Variants in PDE11A observed in about 807,000 individuals in gnomAD.
PDE11A encodes the protein phosphodiesterase 11A, also known as dual 3',5'-cyclic-AMP and -GMP phosphodiesterase 11A.
PDE11A carries 100 observed loss-of-function variants against 100.5 expected under a neutral mutation model. The observed-to-expected ratio is 1.00, with a 90% CI of 0.85 to 1.18. The LOEUF (loss-of-function observed/expected upper bound fraction) is 1.18, where lower values mean the gene tolerates loss of function less well. Among genes scored for constraint, PDE11A ranks in the 50% most tolerant of loss-of-function variants. The pLI is 0.00. For synonymous variants in PDE11A, 381 were observed against 420.8 expected (o/e 0.91, Z 1.16); for missense variants, 1,141 against 1,152.6 (o/e 0.99, Z 0.15).
intron 13 of PDE11A, among the ~76,000 whole-genome samples, chr2:177,703,498 A>G (rs1210703784): frequency 6.6e-6 from 1 of 152,220 alleles, no homozygotes; most frequent in East Asian, 1.9e-4. Flanking sequence ...GCTGATTGTT[A>G]TCAATGAAAG....
chr2:177,924,052 G>C (rs1000902381), intron 2 of PDE11A, among the ~76,000 whole-genome samples: 1 of 152,190 alleles, frequency 6.6e-6, no homozygotes, highest in Non-Finnish European at 1.5e-5. Flanking sequence ...ACTCTAAAGT[G>C]TAATTTATTA....
chr2:178,011,502 TA>T (rs1331847808), intron 2 of PDE11A, among the ~76,000 whole-genome samples: 4 of 152,152 alleles, frequency 2.6e-5, no homozygotes, highest in Admixed American at 6.6e-5. Flanking sequence ...GGGCGAGGTA[TA>T]GGGGAAGAGG....
intron 2 of PDE11A, among the ~76,000 whole-genome samples, chr2:177,933,730 T>C (rs776681533): frequency 2.0e-5 from 3 of 152,042 alleles, no homozygotes; most frequent in Non-Finnish European, 2.9e-5. Flanking sequence ...CTTCACACTA[T>C]CAGACTATAC....
intron 5 of PDE11A, among the ~76,000 whole-genome samples, chr2:177,850,479 G>T (rs1173805483): frequency 6.6e-6 from 1 of 152,150 alleles, no homozygotes; most frequent in Non-Finnish European, 1.5e-5. Flanking sequence ...GCATGGGCAA[G>T]GACTTCATGT....
intron 13 of PDE11A, among the ~76,000 whole-genome samples, chr2:177,709,929 G>T (rs1256371600): frequency 6.6e-6 from 1 of 152,182 alleles, no homozygotes; most frequent in African/African-American, 2.4e-5. Flanking sequence ...GGAGGACAGG[G>T]GTTGGGAGAA....
chr2:177,681,276 A>G (rs2080859079), intron 15 of PDE11A, among the ~76,000 whole-genome samples: 1 of 152,236 alleles, frequency 6.6e-6, no homozygotes, highest in South Asian at 2.1e-4. Flanking sequence ...ATGTTCTTTT[A>G]TCATCCAACA....
At chr2:177,845,278 G>C (rs1353779819) in intron 5 of PDE11A, among the ~76,000 whole-genome samples, 1 of 151,224 alleles carries the variant, frequency 6.6e-6, no homozygotes, top group Non-Finnish European at 1.5e-5. Context: ...CTCAGACGGG[G>C]CGGTTGCCAG....
At chr2:177,898,879 C>T (rs1287577078) in intron 3 of PDE11A, among the ~76,000 whole-genome samples, 1 of 152,164 alleles carries the variant, frequency 6.6e-6, no homozygotes, top group Non-Finnish European at 1.5e-5. Flanking sequence ...TATTAAATTT[C>T]TTTACTTTGT....
intron 13 of PDE11A, among the ~76,000 whole-genome samples, chr2:177,704,762 A>T (rs1389479194): frequency 6.6e-6 from 1 of 152,208 alleles, no homozygotes; most frequent in Non-Finnish European, 1.5e-5. Flanking sequence ...GATTTTCCAG[A>T]GGCGGCAATA....
chr2:177,772,796 T>C (rs558691022), intron 9 of PDE11A, among the ~76,000 whole-genome samples: 1 of 152,168 alleles, frequency 6.6e-6, no homozygotes, highest in Non-Finnish European at 1.5e-5. Context: ...ATTAAGACTT[T>C]TGCTCATTTA....
At chr2:178,071,385 G>A (rs1287955684) in intron 1 of PDE11A, 141 bp downstream of exon 1, 5 of 979,922 alleles carry the variant, frequency 5.1e-6, no homozygotes, top group Non-Finnish European at 7.7e-6. Context: ...ATTCTAACTA[G>A]TCTAAACTCG....
chr2:177,827,392 A>C (rs1446991995), intron 6 of PDE11A, among the ~76,000 whole-genome samples: 1 of 152,206 alleles, frequency 6.6e-6, no homozygotes, highest in East Asian at 1.9e-4. Flanking sequence ...TGGACCACCA[A>C]ATCCATCCAT....
intron 4 of PDE11A, among the ~76,000 whole-genome samples, chr2:177,894,076 T>C (rs992184948): frequency 6.6e-6 from 1 of 152,202 alleles, no homozygotes; most frequent in Non-Finnish European, 1.5e-5. Flanking sequence ...GGGGCAGAGA[T>C]AAACAGTTTC....
At chr2:177,997,922 A>G (rs1219378798) in intron 2 of PDE11A, 1 of 1,305,686 alleles carries the variant, frequency 7.7e-7, no homozygotes, top group East Asian at 2.3e-5. Context: ...AATACCTCCA[A>G]CTGTATGTCA....
intron 2 of PDE11A, among the ~76,000 whole-genome samples, chr2:177,914,435 T>C (rs1172879994): frequency 6.6e-6 from 1 of 152,144 alleles, no homozygotes; most frequent in African/African-American, 2.4e-5. Context: ...TTTACAAAGA[T>C]ATCTGCCTAT....
At chr2:177,876,163 T>C (rs1397945749) in intron 4 of PDE11A, among the ~76,000 whole-genome samples, 1 of 152,222 alleles carries the variant, frequency 6.6e-6, no homozygotes, top group African/African-American at 2.4e-5. Context: ...CATGTACATA[T>C]TTTTACAATT....
At chr2:177,855,668 G>A (rs1344649917) in intron 5 of PDE11A, among the ~76,000 whole-genome samples, 1 of 151,988 alleles carries the variant, frequency 6.6e-6, no homozygotes, top group Admixed American at 6.6e-5. Context: ...CACAGAACTT[G>A]TCTTTATTTG....
At chr2:177,703,492 A>T (rs16865678) in intron 13 of PDE11A, among the ~76,000 whole-genome samples, 2,603 of 151,556 alleles carry the variant, frequency 0.017, 68 homozygotes, top group African/African-American at 0.06. Context: ...TACTAAGCTG[A>T]TTGTTATCAA....
At chr2:177,753,013 G>T (rs1218034729) in intron 10 of PDE11A, among the ~76,000 whole-genome samples, 1 of 152,168 alleles carries the variant, frequency 6.6e-6, no homozygotes, top group Non-Finnish European at 1.5e-5. Flanking sequence ...CTCTGAACTG[G>T]GAAAGAGCAG....
Sources: gnomAD v4.1 joint callset for allele counts (sites outside exome capture counted in the v4.1 genomes callset) on GRCh38, gnomAD v4.1.1 for gene constraint, MANE v1.5 for transcripts, NCBI Gene and HGNC (gene_info 2026-07-23, HGNC 2026-07-21) for gene names.